NLRP14: variants seen among roughly 807,000 people sequenced by gnomAD.
NLRP14 encodes NLR family pyrin domain containing 14, also known as NACHT, LRR and PYD domains-containing protein 14.
A neutral mutation model predicts 94.7 loss-of-function variants in NLRP14; 105 were observed. The observed-to-expected ratio is 1.11, with a 90% CI of 0.95 to 1.30. NLRP14 has a LOEUF of 1.30. Ranked by LOEUF, NLRP14 falls within the 50% of genes most tolerant of loss-of-function variation. NLRP14 has a pLI of 0.00. For missense variants in NLRP14, 1,362 were observed against 1,254.1 expected, an observed-to-expected ratio of 1.09 and a Z score of -1.30; for synonymous variants, 508 against 459.9, an observed-to-expected ratio of 1.10 and a Z score of -1.34.
intron 6 of NLRP14, among the ~76,000 whole-genome samples, chr11:7,055,105 G>A (rs1852499385): frequency 6.6e-6 from 1 of 152,054 alleles, no homozygotes; most frequent in Admixed American, 6.6e-5. Flanking sequence ...TCGAAAATGA[G>A]TCCACTGTAG....
intron 1 of NLRP14, among the ~76,000 whole-genome samples, chr11:7,021,892 T>G (rs924872274): frequency 6.6e-6 from 1 of 151,620 alleles, no homozygotes; most frequent in East Asian, 1.9e-4. Context: ...TGGGCTGTTC[T>G]GCCACACTGC....
Position 7,026,599 on chromosome 11 carries a change from G to A in NLRP14, c.-22+5829G>A, listed in dbSNP as rs536647630. ...CAACCATTGTGGAAGTCAGTGTGGC[G>A]ATTCCTCAGGGATCTAGAACTAGAA... On this transcript the variant is annotated intron_variant, in intron 1 of 11. Transcript: ENST00000299481. Among the ~76,000 whole-genome samples, 406 of 152,062 alleles carry A rather than the reference G, an allele frequency of 2.7e-3. 3 individuals carry two copies. The highest frequency in any genetic ancestry group is 9.3e-3 in the African/African-American group (384 of 41,466).
At chr11:7,074,412 A>G (rs1366538966), downstream of NLRP14, among the ~76,000 whole-genome samples, 2 of 152,220 alleles carry the variant, frequency 1.3e-5, no homozygotes, top group Admixed American at 6.5e-5. Context: ...AAAAGAAAGT[A>G]TACACCAAAG....
intron 1 of NLRP14, among the ~76,000 whole-genome samples, chr11:7,028,700 G>T (rs1442314124): frequency 6.6e-6 from 1 of 151,980 alleles, no homozygotes; most frequent in Non-Finnish European, 1.5e-5. Context: ...TTATTTCGCT[G>T]CCTTATCCCA....
the NLRP14 span, chr11:7,089,463 G>A: frequency 1.5e-6 from 2 of 1,307,354 alleles, no homozygotes; most frequent in Non-Finnish European, 1.9e-6. Context: ...CCGCGGGGGT[G>A]GCGGCGGCCC....
downstream of NLRP14, among the ~76,000 whole-genome samples, chr11:7,073,949 T>A (rs1207717383): frequency 3.3e-5 from 5 of 152,162 alleles, no homozygotes; most frequent in East Asian, 7.7e-4. Context: ...ATCCCCTTGC[T>A]TCTTTGGAGG....
the NLRP14 span, among the ~76,000 whole-genome samples, chr11:7,082,036 C>T: frequency 1.3e-5 from 2 of 152,132 alleles, no homozygotes; most frequent in Non-Finnish European, 2.9e-5. Context: ...CAAAGGGGCT[C>T]TTTATGGATA....
Position 7,046,705 on chromosome 11 carries a change from T to G in NLRP14, c.1996T>G (p.Cys666Gly). ...CATTACTCACTGTTGGCAAGATCTC[T>G]GTTCTGTGCTTCATACAAATGAACA... ...DRITHCWQDL[C>G]SVLHTNEHLR... Residue 666 changes from cysteine (C) to glycine (G), a missense_variant, in exon 5 of 12, where the codon TGT (cysteine) becomes GGT (glycine). By Grantham distance (159) the Cys-to-Gly change is radical. Coordinates refer to ENST00000299481, the MANE Select transcript of NLRP14 (RefSeq NM_176822.4). 6.2e-7 allele frequency: 1 copy of G among 1,613,464 alleles called. No homozygotes were observed.
chr11:7,072,449 A>C (rs994280155), downstream of NLRP14, among the ~76,000 whole-genome samples: 1 of 152,258 alleles, frequency 6.6e-6, no homozygotes, highest in Non-Finnish European at 1.5e-5. Flanking sequence ...TAAAGAAAGC[A>C]AAGTACACTT....
chr11:7,082,364 G>A, the NLRP14 span, among the ~76,000 whole-genome samples: 9 of 152,176 alleles, frequency 5.9e-5, no homozygotes, highest in African/African-American at 1.7e-4. Context: ...AAATAAAGTC[G>A]AAAGATGCTG....
At chr11:7,061,392 C>A (rs1213764564) in intron 9 of NLRP14, among the ~76,000 whole-genome samples, 1 of 151,836 alleles carries the variant, frequency 6.6e-6, no homozygotes, top group Admixed American at 6.6e-5. Context: ...ACCTATATAC[C>A]CAAGGTCTTT....
At chr11:7,028,058 C>G (rs1035539160) in intron 1 of NLRP14, among the ~76,000 whole-genome samples, 1 of 152,082 alleles carries the variant, frequency 6.6e-6, no homozygotes, top group Non-Finnish European at 1.5e-5. Context: ...TATTCTCACT[C>G]CCGGAATGAT....
intron 3 of NLRP14, 76 bp downstream of exon 3, chr11:7,039,861 G>A: frequency 8.7e-7 from 1 of 1,149,828 alleles, no homozygotes; most frequent in Non-Finnish European, 1.3e-6. Flanking sequence ...ATCTCCCGAG[G>A]ACTTTTGTTC....
chr11:7,089,825 C>A, the NLRP14 span: 68 of 1,609,376 alleles, frequency 4.2e-5, 1 homozygote, highest in Admixed American at 1.1e-3. Context: ...CCCCCTCGCC[C>A]GGAGAGTACA....
chr11:7,059,634 G>A (rs1025863816), intron 8 of NLRP14, among the ~76,000 whole-genome samples: 2 of 151,946 alleles, frequency 1.3e-5, no homozygotes, highest in Non-Finnish European at 2.9e-5. Context: ...CTACAACAGA[G>A]TACTATGTAT....
chr11:7,041,538 G>T (rs961104640), intron 3 of NLRP14, among the ~76,000 whole-genome samples: 1 of 152,048 alleles, frequency 6.6e-6, no homozygotes, highest in Non-Finnish European at 1.5e-5. Context: ...TTCAAAAGTT[G>T]TAAAGTACTC....
At chr11:7,079,004 C>A in the NLRP14 span, among the ~76,000 whole-genome samples, 1 of 152,284 alleles carries the variant, frequency 6.6e-6, no homozygotes, top group African/African-American at 2.4e-5. Flanking sequence ...GTTTCCCTGA[C>A]CTTTCTAGTT....
the NLRP14 span, among the ~76,000 whole-genome samples, chr11:7,078,819 C>G: frequency 0.022 from 3,347 of 152,164 alleles, 138 homozygotes; most frequent in African/African-American, 0.076. Flanking sequence ...CTTTTAAAAA[C>G]AAGGAGGTAT....
At chr11:7,062,069 T>C (rs1004109746) in intron 9 of NLRP14, among the ~76,000 whole-genome samples, 2 of 152,044 alleles carry the variant, frequency 1.3e-5, no homozygotes, top group African/African-American at 4.8e-5. Context: ...TAAGTATTGG[T>C]AAAAATAAAT....
Sources: gnomAD v4.1 joint callset for allele counts (sites outside exome capture counted in the v4.1 genomes callset) on GRCh38, gnomAD v4.1.1 for gene constraint, MANE v1.5 for transcripts, NCBI Gene and HGNC (gene_info 2026-07-23, HGNC 2026-07-21) for gene names.